The following ZMYM2 variants were observed in gnomAD, a reference collection of about 807,000 sequenced individuals.
ZMYM2 encodes the protein zinc finger MYM-type containing 2, also known as zinc finger MYM-type protein 2.
Under a neutral mutation model 162.8 loss-of-function variants are expected in ZMYM2, and 56 were observed. That is an observed-to-expected ratio of 0.34 (90% confidence interval 0.28 to 0.43). The LOEUF (loss-of-function observed/expected upper bound fraction) is 0.43, where lower values mean the gene tolerates loss of function less well. ZMYM2 is among the 20% of genes least tolerant of loss of function. The pLI, the probability that ZMYM2 is intolerant of heterozygous loss-of-function variation, is 1.00. For synonymous variants in ZMYM2, 510 were observed against 541.6 expected (o/e 0.94, Z 0.81); for missense variants, 1,275 against 1,621.8 (o/e 0.79, Z 3.67).
chr13:19,897,525 G>A, the ZMYM2 span, among the ~76,000 whole-genome samples: 2 of 151,702 alleles, frequency 1.3e-5, no homozygotes, highest in East Asian at 3.9e-4. Context: ...CGTGGCCTAT[G>A]GTCAGGGCAG....
chr13:20,005,190 A>G lies in ZMYM2; in HGVS notation c.1250A>G (p.Lys417Arg). Residue 417 changes from lysine (K) to arginine (R), a missense_variant, in exon 5 of 25, where the codon AAA becomes AGA. By Grantham distance (26) the Lys-to-Arg change is conservative. Around this residue, in one of 10 missense-constraint regions of ZMYM2, gnomAD observed 276 missense variants for 311.8 expected, o/e 0.89. Transcript: ENST00000610343. ...TATGAAGACAAACAGAATCCTACTAAAGGAGCTCTAAATAAATCAAGATGT... is the reference window on the plus strand; with the variant it reads ...TATGAAGACAAACAGAATCCTACTAGAGGAGCTCTAAATAAATCAAGATGT... ...SLYEDKQNPTKGALNKSRCTI... is the reference protein window; with the variant it reads ...SLYEDKQNPTRGALNKSRCTI... 1 of 1,588,720 alleles carries G rather than the reference A, an allele frequency of 6.3e-7. No individual in the cohort carries two copies. The highest frequency in any genetic ancestry group is 1.2e-5 in the South Asian group (1 of 85,882).
chr13:19,919,685 T>C, the ZMYM2 span, among the ~76,000 whole-genome samples: 1 of 151,472 alleles, frequency 6.6e-6, no homozygotes, highest in African/African-American at 2.4e-5. Flanking sequence ...TTTTTCTTTT[T>C]TTTTTTTTTG....
chr13:19,917,410 G>A, the ZMYM2 span, among the ~76,000 whole-genome samples: 8 of 151,830 alleles, frequency 5.3e-5, no homozygotes. Context: ...CCGATATGAT[G>A]AAGCCCCATC....
At chr13:19,958,272 G>A (rs1443368471), upstream of ZMYM2, among the ~76,000 whole-genome samples, 1 of 152,158 alleles carries the variant, frequency 6.6e-6, no homozygotes, top group Non-Finnish European at 1.5e-5. Flanking sequence ...CGAGGCCGCG[G>A]CTCTCCTCGG....
the ZMYM2 span, among the ~76,000 whole-genome samples, chr13:19,922,145 C>T: frequency 2.0e-5 from 3 of 152,114 alleles, no homozygotes; most frequent in Non-Finnish European, 2.9e-5. Context: ...AAACTCCTGA[C>T]CTCAGGTGAT....
chr13:20,010,907 G>A (rs1339503077), intron 6 of ZMYM2, among the ~76,000 whole-genome samples: 1 of 152,184 alleles, frequency 6.6e-6, no homozygotes, highest in African/African-American at 2.4e-5. Flanking sequence ...CCCAAGTGCT[G>A]GGATTATAGG....
chr13:20,061,182 A>G lies in ZMYM2; in HGVS notation c.2869A>G (p.Met957Val). The G allele has an allele frequency of 6.2e-7, 1 of 1,613,846 alleles. No homozygotes were observed. ...AGAGTTGCTTACAATGACGGATATG[A>G]TGAGTGAAGACGAGGGGAAAACAGA... ...DTELLTMTDM[M>V]SEDEGKTETT... The change falls in exon 17 of 25, where the codon ATG becomes GTG. Residue 957 changes from methionine to valine, a missense_variant. Around this residue, in one of 10 missense-constraint regions of ZMYM2, gnomAD observed 229 missense variants for 283.8 expected, o/e 0.81. Transcript: ENST00000610343.
intron 5 of ZMYM2, 34 bp from the exon 6 acceptor site, chr13:20,006,340 C>A: frequency 6.6e-7 from 1 of 1,524,566 alleles, no homozygotes. Flanking sequence ...TCAGATTGAT[C>A]TGTTTTGTAA....
the ZMYM2 span, among the ~76,000 whole-genome samples, chr13:19,947,682 TA>T: frequency 0.048 from 7,311 of 151,926 alleles, 206 homozygotes; most frequent in South Asian, 0.11. Flanking sequence ...TAGGCTAGGC[TA>T]GGCTAGTCTC....
At chr13:19,902,721 A>G in the ZMYM2 span, among the ~76,000 whole-genome samples, 6 of 152,138 alleles carry the variant, frequency 3.9e-5, no homozygotes, top group African/African-American at 1.4e-4. Flanking sequence ...TTTTGCCACA[A>G]TTAAAAATTA....
intron 7 of ZMYM2, among the ~76,000 whole-genome samples, chr13:20,020,472 G>T (rs1049022902): frequency 6.6e-6 from 1 of 152,028 alleles, no homozygotes; most frequent in Non-Finnish European, 1.5e-5. Flanking sequence ...TGATCCACCT[G>T]CCTCGGCCTC....
chr13:20,083,131 C>T (rs1351299077), intron 23 of ZMYM2, 99 bp downstream of exon 23: 14 of 1,262,824 alleles, frequency 1.1e-5, no homozygotes, highest in East Asian at 5.1e-5. Flanking sequence ...GGTGCAGTCT[C>T]GGCTCACCGC....
intron 20 of ZMYM2, 54 bp from the exon 21 acceptor site, chr13:20,067,185 A>T (rs1956745102): frequency 1.4e-6 from 2 of 1,467,224 alleles, no homozygotes; most frequent in African/African-American, 2.8e-5. Context: ...AAGTTTCTTA[A>T]CCTTAATAAG....
At chr13:19,908,789 C>A in the ZMYM2 span, among the ~76,000 whole-genome samples, 1 of 152,166 alleles carries the variant, frequency 6.6e-6, no homozygotes, top group African/African-American at 2.4e-5. Flanking sequence ...GCTATTTCTG[C>A]ATTAAATAGT....
chr13:19,926,681 T>A, the ZMYM2 span, among the ~76,000 whole-genome samples: 4 of 151,940 alleles, frequency 2.6e-5, no homozygotes, highest in Non-Finnish European at 4.4e-5. Context: ...TTATTTTTAG[T>A]TTTCAAGACA....
At chr13:19,866,724 A>G in the ZMYM2 span, among the ~76,000 whole-genome samples, 4 of 152,202 alleles carry the variant, frequency 2.6e-5, no homozygotes, top group Admixed American at 2.0e-4. Context: ...AGTGGGACCC[A>G]GTCTCTACAA....
chr13:19,940,549 C>T, the ZMYM2 span, among the ~76,000 whole-genome samples: 22 of 152,168 alleles, frequency 1.4e-4, no homozygotes, highest in Non-Finnish European at 2.4e-4. Context: ...AAAACAACAA[C>T]AATGAAAAAG....
chr13:19,881,347 T>G, the ZMYM2 span, among the ~76,000 whole-genome samples: 2 of 151,912 alleles, frequency 1.3e-5, no homozygotes, highest in African/African-American at 4.8e-5. Flanking sequence ...GGGGGCCTGG[T>G]GCGGTGGCTC....
intron 2 of ZMYM2, among the ~76,000 whole-genome samples, chr13:19,982,423 G>T (rs1424424664): frequency 7.3e-5 from 11 of 151,338 alleles, no homozygotes; most frequent in Non-Finnish European, 8.8e-5. Context: ...GAGTAGCCGA[G>T]ATTACAGGTG....
Sources: allele counts gnomAD v4.1 joint callset (sites outside exome capture counted in the v4.1 genomes callset), GRCh38; gene constraint gnomAD v4.1.1; regional missense constraint gnomAD v4.1.1; transcripts MANE v1.5; gene names NCBI Gene and HGNC (gene_info 2026-07-23, HGNC 2026-07-21).